EFHD1: variants seen among roughly 807,000 people sequenced by gnomAD.
The protein encoded by EFHD1 is EF-hand domain-containing protein D1.
A neutral mutation model predicts 17.2 loss-of-function variants in EFHD1; 10 were observed. The observed-to-expected ratio is 0.58, with a 90% confidence interval of 0.36 to 0.99. The LOEUF is 0.99. Among genes scored for constraint, EFHD1 ranks in the 50% least tolerant of loss-of-function variants. EFHD1 has a pLI of 0.01. For missense variants in EFHD1, 310 were observed against 327.5 expected (o/e 0.95, Z 0.41); for synonymous variants, 153 against 142.0 (o/e 1.08, Z -0.55).
chr2:232,617,433 AG>A (rs1693946874), intron 1 of EFHD1, among the ~76,000 whole-genome samples: 1 of 149,356 alleles, frequency 6.7e-6, no homozygotes, highest in Non-Finnish European at 1.5e-5. Context: ...GTGGATCACG[AG>A]GTCAGGAGAT....
chr2:232,643,926 TC>T (rs1462426588), intron 1 of EFHD1, among the ~76,000 whole-genome samples: 1 of 152,208 alleles, frequency 6.6e-6, no homozygotes, highest in African/African-American at 2.4e-5. Context: ...AGCAGCCCAT[TC>T]CTGGGGGCTC....
At chr2:232,619,158 TATAAATAAATAAATAA>T (rs370538870) in intron 1 of EFHD1, among the ~76,000 whole-genome samples, 1 of 146,012 alleles carries the variant, frequency 6.8e-6, no homozygotes, top group Non-Finnish European at 1.5e-5. Flanking sequence ...CATCTCAAAA[TATAAATAAATAAATAA>T]ATAAATAAAT....
At chr2:232,634,038 G>A (rs745890926) in intron 1 of EFHD1, 32 bp downstream of exon 1, 3 of 1,594,934 alleles carry the variant, frequency 1.9e-6, no homozygotes, top group Non-Finnish European at 2.5e-6. Flanking sequence ...TTCGCCCCCG[G>A]GACCAGGGAG....
intron 1 of EFHD1, among the ~76,000 whole-genome samples, chr2:232,607,444 A>AG (rs1693738539): frequency 9.2e-6 from 1 of 108,872 alleles, no homozygotes; most frequent in Admixed American, 8.7e-5. Context: ...AAAAAAAAAA[A>AG]AAAGCCTGGC....
intron 1 of EFHD1, among the ~76,000 whole-genome samples, chr2:232,658,922 A>G (rs565042207): frequency 6.6e-6 from 1 of 151,996 alleles, no homozygotes; most frequent in Non-Finnish European, 1.5e-5. Context: ...GCTGTTTTTT[A>G]AAAAAAACTT....
intron 1 of EFHD1, 125 bp from the exon 2 acceptor site, chr2:232,662,677 A>G: frequency 7.5e-7 from 1 of 1,336,662 alleles, no homozygotes; most frequent in Non-Finnish European, 9.9e-7. Flanking sequence ...CAGGTGACCC[A>G]CATTGGCCTC....
intron 1 of EFHD1, among the ~76,000 whole-genome samples, chr2:232,660,590 C>A (rs536103622): frequency 5.5e-4 from 83 of 152,256 alleles, no homozygotes; most frequent in Admixed American, 1.8e-3. Flanking sequence ...CCACCCCAGT[C>A]TCCCAAGTAG....
Position 232,681,636 on chromosome 2 carries a change from C to G in EFHD1, c.637C>G (p.Gln213Glu), listed in dbSNP as rs1320046181. Residue 213 changes from glutamine to glutamate, a missense_variant, in exon 4 of 4, where the codon CAA becomes GAA. Transcript: ENST00000264059. ...GTTTGAAGCAGAGTTGAAAGCTGAG[C>G]AAGATGAGCGGAAGCGGGAGGAGGA... is the stretch of plus-strand genomic sequence containing the variant. ...SKFEAELKAE[Q>E]DERKREEEER... 2 of 1,614,256 alleles carry G rather than the reference C, an allele frequency of 1.2e-6. No individual in the cohort carries two copies. Among genetic ancestry groups the G allele is most frequent in the Non-Finnish European group, 8.5e-7 (1 of 1,180,040 alleles).
At position 232,682,329 on chromosome 2, in the gene EFHD1, C is replaced by T. The variant is rs1452634510; in HGVS notation, c.*610C>T. On this transcript the variant is annotated 3_prime_UTR_variant, in exon 4 of 4. Transcript: ENST00000264059. ...GTCTGCTCCTTCCTGCCACCTTTCT[C>T]CTGGCCCCTTAGCATTCCCCCAGTC... 1 of 152,748 alleles carries T rather than the reference C, an allele frequency of 6.5e-6. No individual in the cohort carries two copies. Among genetic ancestry groups the T allele is most frequent in the Non-Finnish European group, 1.5e-5 (1 of 68,402 alleles). 9.5% of individuals were successfully genotyped at this position (152,748 alleles called of 1,614,324 possible).
chr2:232,653,743 C>A (rs1478219021), intron 1 of EFHD1, among the ~76,000 whole-genome samples: 1 of 152,208 alleles, frequency 6.6e-6, no homozygotes. Flanking sequence ...CTCCCCTCCA[C>A]ATTACATGGT....
chr2:232,665,889 A>G lies in EFHD1; in HGVS notation c.450+2940A>G, dbSNP rs183884598. On this transcript the variant is annotated intron_variant, in intron 2 of 3. Transcript: ENST00000264059. Reference sequence around the variant, plus strand: ...GGAGTACTGGCACCCTGGTTTTTTCACAGTTCACTGCAGCCTCTCACTTCT... The same window carrying G: ...GGAGTACTGGCACCCTGGTTTTTTCGCAGTTCACTGCAGCCTCTCACTTCT... 5.6e-3 allele frequency among the ~76,000 whole-genome samples: 855 copies of G among 152,078 alleles called. 8 individuals carry two copies. The highest frequency in any genetic ancestry group is 0.019 in the African/African-American group (798 of 41,478).
In EFHD1 at chr2:232,633,903, G is replaced by A. The variant is rs550603455; in HGVS notation, c.199G>A (p.Glu67Lys). 4.4e-6 allele frequency: 7 copies of A among 1,575,754 alleles called. No homozygotes were observed. Among genetic ancestry groups the A allele is most frequent in the South Asian group, 2.2e-5 (2 of 89,436 alleles). ...AQLSRRLDINEGAARPRRCRV... is the reference protein window; with the variant it reads ...AQLSRRLDINKGAARPRRCRV... ...GCTGAGCCGGCGGCTGGACATCAAC[G>A]AGGGCGCTGCGCGGCCCCGGCGCTG... Residue 67 changes from glutamate (E) to lysine (K), a missense_variant, in exon 1 of 4, where the codon GAG (glutamate) becomes AAG (lysine). By Grantham distance (56) the Glu-to-Lys change is moderately conservative (BLOSUM62 1). Transcript: ENST00000264059.
At chr2:232,632,894 T>C (rs1302330806), upstream of EFHD1, among the ~76,000 whole-genome samples, 1 of 152,242 alleles carries the variant, frequency 6.6e-6, no homozygotes, top group Non-Finnish European at 1.5e-5. Flanking sequence ...AGTGTTGGGA[T>C]TGCGGATGTG....
chr2:232,632,344 T>C (rs1694218613), upstream of EFHD1, among the ~76,000 whole-genome samples: 1 of 152,228 alleles, frequency 6.6e-6, no homozygotes, highest in Non-Finnish European at 1.5e-5. Flanking sequence ...TGCACTCGCA[T>C]GCCAAAGGCT....
chr2:232,634,549 C>G (rs1193010341), intron 1 of EFHD1, among the ~76,000 whole-genome samples: 1 of 152,148 alleles, frequency 6.6e-6, no homozygotes, highest in Non-Finnish European at 1.5e-5. Flanking sequence ...CTGGAGCAGG[C>G]GCGGCCCGGG....
chr2:232,659,295 A>T (rs532425056), intron 1 of EFHD1, among the ~76,000 whole-genome samples: 15 of 151,236 alleles, frequency 9.9e-5, no homozygotes, highest in African/African-American at 3.6e-4. Context: ...GGCACTGAGA[A>T]AAAAAAAAAC....
rs539954632 is a variant in EFHD1 at position 232,654,416 on chromosome 2, C to CTTTTTTTTTT, written c.303-8373_303-8364dup. Reference sequence around the variant, plus strand: ...AGGATGACTTTTCTTTTCTTTCTTTCTTTTTTTTTTTTTTTTTTTTTTGAG... The same window carrying CTTTTTTTTTT: ...AGGATGACTTTTCTTTTCTTTCTTTCTTTTTTTTTTTTTTTTTTTTTTTTTTTTTTTTGAG... On this transcript the variant is annotated intron_variant, in intron 1 of 3. Coordinates refer to ENST00000264059, the MANE Select transcript of EFHD1 (RefSeq NM_025202.4). Among the ~76,000 whole-genome samples, 147 of 94,602 alleles carry CTTTTTTTTTT rather than the reference C, an allele frequency of 1.6e-3. 2 individuals carry two copies. The highest frequency in any genetic ancestry group is 2.4e-3 in the Non-Finnish European group (117 of 49,036). 62.1% of individuals were successfully genotyped at this position (94,602 alleles called of 152,430 possible).
intron 1 of EFHD1, among the ~76,000 whole-genome samples, chr2:232,654,575 C>T (rs114167402): frequency 1.4e-3 from 215 of 151,896 alleles, no homozygotes; most frequent in African/African-American, 4.7e-3. Flanking sequence ...TGTGGGTATC[C>T]GCCACCCCAC....
intron 1 of EFHD1, among the ~76,000 whole-genome samples, chr2:232,609,849 G>A (rs931712756): frequency 3.3e-5 from 5 of 152,196 alleles, no homozygotes; most frequent in Admixed American, 1.3e-4. Context: ...GCAGGGACCC[G>A]GCCAGGGGAG....
Sources: gnomAD v4.1 joint callset for allele counts (sites outside exome capture counted in the v4.1 genomes callset) on GRCh38, gnomAD v4.1.1 for gene constraint, MANE v1.5 for transcripts, NCBI Gene and HGNC (gene_info 2026-07-23, HGNC 2026-07-21) for gene names.